Variants in C2orf49 observed in about 807,000 individuals in gnomAD.
The protein encoded by C2orf49 is tRNA-splicing ligase complex subunit ASW.
A neutral mutation model predicts 20.6 loss-of-function variants in C2orf49; 11 were observed. That is an observed-to-expected ratio of 0.53 (90% CI 0.34 to 0.88). The LOEUF (loss-of-function observed/expected upper bound fraction) is 0.88, where lower values mean the gene tolerates loss of function less well. Among genes scored for constraint, C2orf49 ranks in the 40% least tolerant of loss-of-function variants. The pLI, the probability that C2orf49 is intolerant of heterozygous loss-of-function variation, is 0.02. For missense variants in C2orf49, 289 were observed against 274.2 expected (o/e 1.05, Z -0.38); for synonymous variants, 134 against 108.5 (o/e 1.24, Z -1.46).
At chr2:105,381,682 G>T in the C2orf49 span, among the ~76,000 whole-genome samples, 1 of 152,158 alleles carries the variant, frequency 6.6e-6, no homozygotes, top group Non-Finnish European at 1.5e-5. Flanking sequence ...TTCACAGACA[G>T]ATTTTTGTCT....
At chr2:105,381,134 G>A in the C2orf49 span, among the ~76,000 whole-genome samples, 1 of 152,108 alleles carries the variant, frequency 6.6e-6, no homozygotes, top group East Asian at 1.9e-4. Context: ...TTCCACCAGG[G>A]CTGGCACCAA....
the C2orf49 span, chr2:105,361,536 T>C: frequency 9.9e-7 from 1 of 1,013,852 alleles, no homozygotes; most frequent in Admixed American, 2.2e-5. Flanking sequence ...GTTTGGATTG[T>C]GTAATATGGA....
At chr2:105,361,385 G>C in the C2orf49 span, 1 of 1,614,108 alleles carries the variant, frequency 6.2e-7, no homozygotes. Flanking sequence ...TAAAGCAGTC[G>C]TTATGCCACT....
chr2:105,350,920 C>G (rs1179160323), downstream of C2orf49, among the ~76,000 whole-genome samples: 1 of 151,888 alleles, frequency 6.6e-6, no homozygotes, highest in African/African-American at 2.4e-5. Context: ...TGAGTTTTTC[C>G]CTAATACCCT....
the C2orf49 span, among the ~76,000 whole-genome samples, chr2:105,370,279 G>A: frequency 6.6e-6 from 1 of 152,096 alleles, no homozygotes; most frequent in African/African-American, 2.4e-5. Context: ...GGAGGCTGAG[G>A]TGGGAGGATC....
the C2orf49 span, chr2:105,363,498 G>C: frequency 6.4e-7 from 1 of 1,574,178 alleles, no homozygotes; most frequent in Non-Finnish European, 8.6e-7. Flanking sequence ...GAGAGTTAGT[G>C]TGGCCTCTGT....
At chr2:105,344,232 C>G (rs1352955238) in intron 3 of C2orf49, among the ~76,000 whole-genome samples, 3 of 152,070 alleles carry the variant, frequency 2.0e-5, no homozygotes, top group African/African-American at 7.2e-5. Context: ...TTGTTTGATC[C>G]CAGGGCACAC....
chr2:105,383,666 T>G, the C2orf49 span, among the ~76,000 whole-genome samples: 1 of 152,200 alleles, frequency 6.6e-6, no homozygotes, highest in Non-Finnish European at 1.5e-5. Flanking sequence ...CCACCAGACC[T>G]AAGAGCACAG....
chr2:105,368,933 T>C, the C2orf49 span, among the ~76,000 whole-genome samples: 4 of 152,136 alleles, frequency 2.6e-5, no homozygotes, highest in African/African-American at 7.2e-5. Flanking sequence ...TCAAATGAAG[T>C]TTTATTGGAA....
chr2:105,362,290 G>A, the C2orf49 span, among the ~76,000 whole-genome samples: 1 of 152,278 alleles, frequency 6.6e-6, no homozygotes, highest in African/African-American at 2.4e-5. Context: ...TGTAAATACT[G>A]TGCTTTTCTT....
downstream of C2orf49, among the ~76,000 whole-genome samples, chr2:105,353,221 A>G (rs1558671416): frequency 6.6e-6 from 1 of 152,098 alleles, no homozygotes; most frequent in Non-Finnish European, 1.5e-5. Flanking sequence ...CTCATGGCCT[A>G]ATCTCTTCTT....
chr2:105,374,074 C>T, the C2orf49 span: 2 of 328,742 alleles, frequency 6.1e-6, no homozygotes, highest in Non-Finnish European at 1.2e-5. Context: ...ATTCGTCTCA[C>T]ACCACATCCG....
At chr2:105,370,212 C>G in the C2orf49 span, among the ~76,000 whole-genome samples, 1 of 151,722 alleles carries the variant, frequency 6.6e-6, no homozygotes, top group African/African-American at 2.4e-5. Flanking sequence ...GTCTCTACCC[C>G]CCCAAAAAAA....
At chr2:105,360,998 T>C in the C2orf49 span, 3 of 281,590 alleles carry the variant, frequency 1.1e-5, no homozygotes, top group Non-Finnish European at 2.0e-5. Context: ...GAAAGATTTA[T>C]AAAGGCATCA....
chr2:105,358,125 T>TA, the C2orf49 span: 2 of 152,238 alleles, frequency 1.3e-5, no homozygotes, highest in Non-Finnish European at 2.9e-5. Flanking sequence ...TTTTTGCTAC[T>TA]AATAGCATGG....
chr2:105,344,468 G>A (rs894051625), intron 3 of C2orf49, among the ~76,000 whole-genome samples: 11 of 151,988 alleles, frequency 7.2e-5, no homozygotes, highest in African/African-American at 2.7e-4. Flanking sequence ...GAGAGAGAGA[G>A]TGTGAGAGAG....
At chr2:105,368,575 G>A in the C2orf49 span, among the ~76,000 whole-genome samples, 1 of 152,130 alleles carries the variant, frequency 6.6e-6, no homozygotes, top group Non-Finnish European at 1.5e-5. Context: ...ATAACTATTA[G>A]CATTTGATAC....
the C2orf49 span, among the ~76,000 whole-genome samples, chr2:105,369,262 G>T: frequency 5.3e-5 from 8 of 152,186 alleles, no homozygotes; most frequent in Admixed American, 1.3e-4. Context: ...AGTAACACAG[G>T]TGGCTTATAG....
At chr2:105,373,957 T>C in the C2orf49 span, 3 of 574,348 alleles carry the variant, frequency 5.2e-6, no homozygotes, top group African/African-American at 1.9e-5. Flanking sequence ...TAGACAGATG[T>C]GCATGTATGC....
Sources: allele counts gnomAD v4.1 joint callset (sites outside exome capture counted in the v4.1 genomes callset), GRCh38; gene constraint gnomAD v4.1.1; transcripts MANE v1.5; gene names NCBI Gene and HGNC (gene_info 2026-07-23, HGNC 2026-07-21).